The following SLC2A13 variants were observed in gnomAD, a reference collection of about 807,000 sequenced individuals.
The protein encoded by SLC2A13 is proton myo-inositol cotransporter.
SLC2A13 carries 32 observed loss-of-function variants against 64.4 expected under a neutral mutation model. The observed-to-expected ratio is 0.50, with a 90% CI of 0.37 to 0.67. The LOEUF is 0.67. Among genes scored for constraint, SLC2A13 ranks in the 30% least tolerant of loss-of-function variants. SLC2A13 has a pLI of 0.00. For missense variants in SLC2A13, 743 were observed against 829.2 expected, an observed-to-expected ratio of 0.90 and a Z score of 1.28; for synonymous variants, 338 against 327.1, an observed-to-expected ratio of 1.03 and a Z score of -0.36.
chr12:40,085,578 TTGAG>T (rs1938563900), intron 1 of SLC2A13, among the ~76,000 whole-genome samples: 1 of 152,214 alleles, frequency 6.6e-6, no homozygotes, highest in Non-Finnish European at 1.5e-5. Flanking sequence ...GTGTTGACTG[TTGAG>T]TGAGAGAATT....
At position 39,786,126 on chromosome 12, in the gene SLC2A13, G is replaced by A. The variant is rs553223139; in HGVS notation, c.1446-21268C>T. On this transcript the variant is annotated intron_variant, in intron 7 of 9. Transcript: ENST00000280871. ...CATGAGATTTGGAGGGGCCAGGGGC[G>A]GAATGATGTGCTTTGGCTTTGTCCC... 2.6e-5 allele frequency among the ~76,000 whole-genome samples: 4 copies of A among 152,174 alleles called. No individual in the cohort carries two copies. The East Asian group carries it at 5.8e-4, about 22-fold the overall frequency.
chr12:39,977,863 G>A (rs996246785), intron 3 of SLC2A13, among the ~76,000 whole-genome samples: 1 of 152,194 alleles, frequency 6.6e-6, no homozygotes. Flanking sequence ...CAGGGCCTTG[G>A]CTCATGGTCT....
At chr12:39,895,985 C>T (rs980338138) in intron 4 of SLC2A13, among the ~76,000 whole-genome samples, 1 of 143,854 alleles carries the variant, frequency 7.0e-6, no homozygotes, top group Admixed American at 6.9e-5. Context: ...TGTATACATA[C>T]ATTCATATAT....
chr12:39,808,431 G>A (rs1942045718), intron 7 of SLC2A13, among the ~76,000 whole-genome samples: 1 of 152,048 alleles, frequency 6.6e-6, no homozygotes, highest in African/African-American at 2.4e-5. Flanking sequence ...ACATTTGTTG[G>A]ACACATTTTA....
At chr12:39,832,226 A>G in intron 6 of SLC2A13, among the ~76,000 whole-genome samples, 1 of 152,144 alleles carries the variant, frequency 6.6e-6, no homozygotes, top group Non-Finnish European at 1.5e-5. Context: ...TTTGAGAACC[A>G]GACTAGGCTA....
At chr12:39,842,987 C>A (rs567762697) in intron 6 of SLC2A13, among the ~76,000 whole-genome samples, 1 of 152,028 alleles carries the variant, frequency 6.6e-6, no homozygotes, top group East Asian at 1.9e-4. Flanking sequence ...TAGGATATAT[C>A]ACACTTCATG....
chr12:39,992,459 C>T (rs1591987103), intron 3 of SLC2A13, among the ~76,000 whole-genome samples: 2 of 152,236 alleles, frequency 1.3e-5, no homozygotes, highest in East Asian at 3.9e-4. Context: ...ACCACTCTAC[C>T]TTTTACAGCT....
chr12:39,924,619 T>C (rs1399347860), intron 4 of SLC2A13, among the ~76,000 whole-genome samples: 1 of 152,158 alleles, frequency 6.6e-6, no homozygotes, highest in Non-Finnish European at 1.5e-5. Flanking sequence ...ATTAGGATCA[T>C]TGTATCGTTA....
chr12:39,900,317 C>G (rs1445967488), intron 4 of SLC2A13, among the ~76,000 whole-genome samples: 1 of 152,134 alleles, frequency 6.6e-6, no homozygotes. Flanking sequence ...TCCTATTCAA[C>G]ATAGTGTTGG....
intron 2 of SLC2A13, among the ~76,000 whole-genome samples, chr12:40,041,386 C>G (rs1253014133): frequency 6.6e-6 from 1 of 152,180 alleles, no homozygotes; most frequent in East Asian, 1.9e-4. Context: ...TTGAAGATTA[C>G]ATTTCACCTA....
chr12:39,768,109 G>C (rs894321991), intron 7 of SLC2A13, among the ~76,000 whole-genome samples: 25 of 152,102 alleles, frequency 1.6e-4, no homozygotes, highest in African/African-American at 5.8e-4. Context: ...TTGCAACAAG[G>C]TGTGAAGTGA....
chr12:39,913,398 G>A (rs1252309110), intron 4 of SLC2A13, among the ~76,000 whole-genome samples: 1 of 151,376 alleles, frequency 6.6e-6, no homozygotes, highest in Non-Finnish European at 1.5e-5. Context: ...AATAAAGTAC[G>A]ATGAATAAAA....
intron 4 of SLC2A13, among the ~76,000 whole-genome samples, chr12:39,936,363 C>A (rs902361956): frequency 6.6e-6 from 1 of 152,088 alleles, no homozygotes; most frequent in Non-Finnish European, 1.5e-5. Flanking sequence ...CAGATACAAG[C>A]AAGAGAAGAG....
At chr12:40,098,937 T>C (rs1264148126) in intron 1 of SLC2A13, among the ~76,000 whole-genome samples, 2 of 152,208 alleles carry the variant, frequency 1.3e-5, no homozygotes, top group African/African-American at 4.8e-5. Context: ...AGGGTGGCGC[T>C]AAAATCAGAA....
At chr12:40,009,045 A>G (rs1223538833) in intron 3 of SLC2A13, among the ~76,000 whole-genome samples, 1 of 152,222 alleles carries the variant, frequency 6.6e-6, no homozygotes, top group Non-Finnish European at 1.5e-5. Flanking sequence ...GAAAGAAAGC[A>G]AACAAGTAAC....
At chr12:39,861,898 T>A (rs184503098) in intron 6 of SLC2A13, among the ~76,000 whole-genome samples, 127 of 152,302 alleles carry the variant, frequency 8.3e-4, no homozygotes, top group African/African-American at 2.9e-3. Flanking sequence ...AGTTCCAGGA[T>A]ACATGTGCAG....
rs7966222 is a variant in SLC2A13 at position 39,970,940 on chromosome 12, T to C, written c.926-19575A>G. ...AATAAGAATCATGTAACGGACTGCA[T>C]TTTTCTTTCCGGTATGGCTGATAAG... On this transcript the variant is annotated intron_variant, in intron 3 of 9. Transcript: ENST00000280871. Among the ~76,000 whole-genome samples, 3 of 152,060 alleles carry C rather than the reference T, an allele frequency of 2.0e-5. No individual in the cohort carries two copies. The East Asian group carries it at 5.8e-4, about 29-fold the overall frequency.
chr12:40,071,420 TATA>T (rs1201172809), intron 1 of SLC2A13, among the ~76,000 whole-genome samples: 7 of 152,154 alleles, frequency 4.6e-5, no homozygotes, highest in African/African-American at 1.2e-4. Flanking sequence ...AATTCAATTT[TATA>T]ATATTTTATT....
intron 1 of SLC2A13, among the ~76,000 whole-genome samples, chr12:40,082,234 C>T (rs1402617074): frequency 6.6e-6 from 1 of 152,222 alleles, no homozygotes; most frequent in East Asian, 1.9e-4. Flanking sequence ...TGTGACTCAA[C>T]CCTACAAAGT....
Sources: gnomAD v4.1 joint callset for allele counts (sites outside exome capture counted in the v4.1 genomes callset) on GRCh38, gnomAD v4.1.1 for gene constraint, MANE v1.5 for transcripts, NCBI Gene and HGNC (gene_info 2026-07-23, HGNC 2026-07-21) for gene names.